Variants in MDGA2 observed in about 807,000 individuals in gnomAD.
The protein encoded by MDGA2 is MAM domain containing glycosylphosphatidylinositol anchor 2.
In MDGA2, 40 loss-of-function variants were observed where a neutral mutation model predicts 117.8. The ratio of observed to expected loss-of-function variants is 0.34; its 90% CI spans 0.26 to 0.44. The LOEUF is 0.44. Among genes scored for constraint, MDGA2 ranks in the 20% least tolerant of loss-of-function variants. The pLI is 1.00. For synonymous variants in MDGA2, 452 were observed against 439.0 expected (o/e 1.03, Z -0.37); for missense variants, 1,123 against 1,250.6 (o/e 0.90, Z 1.54).
intron 6 of MDGA2, among the ~76,000 whole-genome samples, chr14:47,076,299 A>G (rs2138864990): frequency 6.6e-6 from 1 of 152,242 alleles, no homozygotes; most frequent in African/African-American, 2.4e-5. Flanking sequence ...GATATTTTGA[A>G]AAAAACAAAA....
intron 1 of MDGA2, among the ~76,000 whole-genome samples, chr14:47,515,739 C>T (rs767926447): frequency 6.6e-6 from 1 of 152,200 alleles, no homozygotes; most frequent in South Asian, 2.1e-4. Flanking sequence ...AAAGGCCCAA[C>T]TTTGAAGGAC....
At chr14:47,152,468 A>C (rs1324944604) in intron 3 of MDGA2, among the ~76,000 whole-genome samples, 2 of 152,014 alleles carry the variant, frequency 1.3e-5, no homozygotes, top group Non-Finnish European at 1.5e-5. Context: ...TTTTATAGAA[A>C]CCTCGTCTCT....
intron 8 of MDGA2, among the ~76,000 whole-genome samples, chr14:46,990,718 T>A (rs141819679): frequency 1.3e-5 from 2 of 152,112 alleles, no homozygotes; most frequent in Admixed American, 1.3e-4. Flanking sequence ...AGATAGATAA[T>A]AAAATACAAA....
At chr14:46,912,202 G>C (rs1288460001) in intron 10 of MDGA2, among the ~76,000 whole-genome samples, 1 of 152,098 alleles carries the variant, frequency 6.6e-6, no homozygotes, top group East Asian at 1.9e-4. Flanking sequence ...GCTGTACTTT[G>C]CTCATAAGCA....
intron 5 of MDGA2, among the ~76,000 whole-genome samples, chr14:47,107,773 C>G (rs200672741): frequency 0.33 from 47,396 of 142,868 alleles, 6,791 homozygotes; most frequent in East Asian, 0.48. Context: ...CACCCTGTAG[C>G]CTTTCTCTCC....
chr14:47,556,968 TG>T (rs1432605668), intron 1 of MDGA2, among the ~76,000 whole-genome samples: 1 of 152,166 alleles, frequency 6.6e-6, no homozygotes, highest in Non-Finnish European at 1.5e-5. Flanking sequence ...AGAGACAAAG[TG>T]ATTGATCCAA....
At chr14:46,955,287 T>C (rs909382247) in intron 9 of MDGA2, among the ~76,000 whole-genome samples, 1 of 151,978 alleles carries the variant, frequency 6.6e-6, no homozygotes, top group African/African-American at 2.4e-5. Flanking sequence ...ACCTTAACCT[T>C]TAGAACTTGT....
chr14:47,592,166 T>C (rs1236098275), intron 1 of MDGA2, among the ~76,000 whole-genome samples: 2 of 151,948 alleles, frequency 1.3e-5, no homozygotes, highest in African/African-American at 4.8e-5. Flanking sequence ...ATAAAATACC[T>C]AGGAATACAA....
At chr14:47,199,039 C>T (rs1339213917) in intron 3 of MDGA2, among the ~76,000 whole-genome samples, 1 of 152,064 alleles carries the variant, frequency 6.6e-6, no homozygotes, top group African/African-American at 2.4e-5. Flanking sequence ...AAGTTTCCAT[C>T]CTGCTGCTTT....
At chr14:47,139,663 GT>G (rs1046447729) in intron 4 of MDGA2, among the ~76,000 whole-genome samples, 3 of 150,808 alleles carry the variant, frequency 2.0e-5, no homozygotes, top group Non-Finnish European at 4.4e-5. Context: ...TAACATAAAA[GT>G]TTTTTTCATT....
chr14:47,607,496 T>C (rs960085678), intron 1 of MDGA2, among the ~76,000 whole-genome samples: 1 of 152,222 alleles, frequency 6.6e-6, no homozygotes, highest in African/African-American at 2.4e-5. Context: ...TCTGTGCCTT[T>C]AGTTTTAAAA....
At position 47,674,809 on chromosome 14, in the gene MDGA2, TCA is replaced by T. The variant is rs1012824956; in HGVS notation, c.-15_-14del. The T allele has an allele frequency of 3.1e-6, 2 of 640,520 alleles. No individual in the cohort carries two copies. Among genetic ancestry groups the T allele is most frequent in the African/African-American group, 1.9e-5 (1 of 53,014 alleles). 39.7% of individuals were successfully genotyped at this position (640,520 alleles called of 1,614,324 possible). A position where few individuals can be genotyped will look rare whatever the true frequency, so the allele number is the denominator to read the frequency against. ...TCCACACACTCATGCACACACACAC[TCA>T]CACACACTCACACACTCTCCCACAA... On this transcript the variant is annotated 5_prime_UTR_variant, in exon 1 of 17. Coordinates refer to ENST00000399232, the MANE Select transcript of MDGA2 (RefSeq NM_001113498.3).
At chr14:47,645,962 C>G (rs895891467) in intron 1 of MDGA2, among the ~76,000 whole-genome samples, 8 of 151,560 alleles carry the variant, frequency 5.3e-5, no homozygotes, top group African/African-American at 1.9e-4. Context: ...CTCCTGTAGT[C>G]CCATCTACTT....
chr14:47,522,372 T>TGTGTATATATACAC (rs60971088), intron 1 of MDGA2, among the ~76,000 whole-genome samples: 46,564 of 149,770 alleles, frequency 0.31, 8,097 homozygotes, highest in East Asian at 0.58. Flanking sequence ...TGTGTATATA[T>TGTGTATATATACAC]ACACACACAC....
At chr14:47,438,096 AG>A (rs1308678585) in intron 1 of MDGA2, among the ~76,000 whole-genome samples, 1 of 152,158 alleles carries the variant, frequency 6.6e-6, no homozygotes, top group Admixed American at 6.6e-5. Context: ...ATTCTACATT[AG>A]GGTATGATTC....
intron 8 of MDGA2, among the ~76,000 whole-genome samples, chr14:46,965,317 T>A (rs748394964): frequency 1.2e-5 from 1 of 81,126 alleles, no homozygotes. Context: ...TTCTAGACTC[T>A]CTCTATATAT....
intron 1 of MDGA2, among the ~76,000 whole-genome samples, chr14:47,376,116 A>G (rs1566760166): frequency 6.6e-6 from 1 of 152,130 alleles, no homozygotes; most frequent in Admixed American, 6.6e-5. Flanking sequence ...AACACAATTT[A>G]TTTCAATGTC....
At chr14:47,162,785 T>A (rs1883697484) in intron 3 of MDGA2, among the ~76,000 whole-genome samples, 1 of 152,204 alleles carries the variant, frequency 6.6e-6, no homozygotes, top group African/African-American at 2.4e-5. Flanking sequence ...TATTTTGAGA[T>A]ATTTCTAGCA....
intron 1 of MDGA2, among the ~76,000 whole-genome samples, chr14:47,561,153 GTTTTGT>G (rs1895798356): frequency 1.6e-5 from 1 of 63,908 alleles, no homozygotes; most frequent in African/African-American, 3.8e-5. Flanking sequence ...TTTTTTTTTT[GTTTTGT>G]TTTGTTTTTT....
Sources: gnomAD v4.1 joint callset for allele counts (sites outside exome capture counted in the v4.1 genomes callset) on GRCh38, gnomAD v4.1.1 for gene constraint, MANE v1.5 for transcripts, NCBI Gene and HGNC (gene_info 2026-07-23, HGNC 2026-07-21) for gene names.